The following SIPA1L1 variants were observed in gnomAD, a reference collection of about 807,000 sequenced individuals.
SIPA1L1 encodes signal induced proliferation associated 1 like 1, also known as signal-induced proliferation-associated 1-like protein 1.
In SIPA1L1, 26 loss-of-function variants were observed where a neutral mutation model predicts 162.7. That is an observed-to-expected ratio of 0.16 (90% CI 0.12 to 0.22). The LOEUF (loss-of-function observed/expected upper bound fraction) is 0.22. Among genes scored for constraint, SIPA1L1 ranks in the 10% least tolerant of loss-of-function variants. The pLI, the probability that SIPA1L1 is intolerant of heterozygous loss-of-function variation, is 1.00. For missense variants in SIPA1L1, 1,874 were observed against 2,241.0 expected (o/e 0.84, Z 3.31); for synonymous variants, 829 against 837.4 (o/e 0.99, Z 0.17).
At chr14:71,692,200 T>C (rs1166441517) in intron 13 of SIPA1L1, among the ~76,000 whole-genome samples, 3 of 152,176 alleles carry the variant, frequency 2.0e-5, no homozygotes, top group Non-Finnish European at 2.9e-5. Flanking sequence ...TTTATAAAAA[T>C]TAGATGATAG....
chr14:71,349,518 T>C (rs2036487889), intron 2 of SIPA1L1, among the ~76,000 whole-genome samples: 1 of 152,216 alleles, frequency 6.6e-6, no homozygotes, highest in Admixed American at 6.5e-5. Flanking sequence ...TGTTTTCATT[T>C]GTTTTCCCTA....
rs762389037 is a variant in SIPA1L1, at chr14:71,704,681, A to C, written c.3647-541A>C. The C allele has an allele frequency of 4.0e-6, 6 of 1,509,868 alleles. No individual in the cohort carries two copies. The South Asian group carries it at 6.8e-5, about 17-fold the overall frequency. 93.5% of individuals were successfully genotyped at this position (1,509,868 alleles called of 1,614,324 possible). On this transcript the variant is annotated intron_variant, in intron 15 of 23. Transcript: ENST00000381232. ...GAGTCCAAAAGGAAGCAATTGTTTTAAGTAAACTAGTTGCTGTGTGTCTTT... is the reference window on the plus strand; with the variant it reads ...GAGTCCAAAAGGAAGCAATTGTTTTCAGTAAACTAGTTGCTGTGTGTCTTT...
chr14:71,483,735 T>G (rs2048524124), intron 2 of SIPA1L1, among the ~76,000 whole-genome samples: 1 of 152,318 alleles, frequency 6.6e-6, no homozygotes, highest in Admixed American at 6.5e-5. Context: ...CTGAAAACAT[T>G]TCCAAGGCTC....
In SIPA1L1 at chr14:71,595,029, C is replaced by T. The variant is rs79202440; in HGVS notation, c.1498+5659C>T. Reference sequence around the variant, plus strand: ...AGTCCCAGCGTGGCTCAGCTGCAAGCGTGGCTCAGCTGCACCCTGATCTGG... The same window carrying T: ...AGTCCCAGCGTGGCTCAGCTGCAAGTGTGGCTCAGCTGCACCCTGATCTGG... On this transcript the variant is annotated intron_variant, in intron 5 of 23. Coordinates refer to ENST00000381232, the MANE Select transcript of SIPA1L1 (RefSeq NM_001386936.1). Among the ~76,000 whole-genome samples the T allele has an allele frequency of 8.9e-3, 1,348 of 152,312 alleles. 13 individuals carry two copies. The highest frequency in any genetic ancestry group is 0.013 in the Non-Finnish European group (870 of 68,040).
chr14:71,356,908 T>C (rs1414822721), intron 2 of SIPA1L1, among the ~76,000 whole-genome samples: 1 of 152,120 alleles, frequency 6.6e-6, no homozygotes, highest in East Asian at 1.9e-4. Flanking sequence ...TTCTTGTGAA[T>C]TTGTTTTTCT....
chr14:71,573,153 C>T (rs1327148546), intron 4 of SIPA1L1, among the ~76,000 whole-genome samples: 1 of 152,192 alleles, frequency 6.6e-6, no homozygotes, highest in African/African-American at 2.4e-5. Context: ...GTATCGGTTT[C>T]CCCCACTTTA....
chr14:71,467,845 C>T (rs2047122818), intron 2 of SIPA1L1, among the ~76,000 whole-genome samples: 1 of 133,404 alleles, frequency 7.5e-6, no homozygotes, highest in African/African-American at 2.7e-5. Flanking sequence ...ACTAGACCCC[C>T]ATCTCTTAAA....
chr14:71,482,503 G>A (rs1186278219), intron 2 of SIPA1L1, among the ~76,000 whole-genome samples: 1 of 150,910 alleles, frequency 6.6e-6, no homozygotes, highest in African/African-American at 2.4e-5. Flanking sequence ...AGTCAGTGTG[G>A]TATAAGTAGC....
chr14:71,442,001 G>A (rs996687104), intron 2 of SIPA1L1, among the ~76,000 whole-genome samples: 2 of 151,280 alleles, frequency 1.3e-5, no homozygotes, highest in South Asian at 4.2e-4. Flanking sequence ...GTGAAACCTC[G>A]TCTTCACTAA....
chr14:71,393,660 C>T (rs186708166), intron 2 of SIPA1L1, among the ~76,000 whole-genome samples: 1 of 152,014 alleles, frequency 6.6e-6, no homozygotes, highest in Admixed American at 6.5e-5. Flanking sequence ...CCACACCCCA[C>T]CAAAAAAAAC....
intron 2 of SIPA1L1, among the ~76,000 whole-genome samples, chr14:71,391,251 C>T (rs575735735): frequency 6.6e-6 from 1 of 151,758 alleles, no homozygotes; most frequent in Non-Finnish European, 1.5e-5. Flanking sequence ...GGACTACAGG[C>T]GCCCGCCACA....
intron 4 of SIPA1L1, among the ~76,000 whole-genome samples, chr14:71,532,110 A>G (rs1194444342): frequency 6.6e-6 from 1 of 152,114 alleles, no homozygotes; most frequent in Non-Finnish European, 1.5e-5. Context: ...ATTTATACAT[A>G]TTATATCCAT....
intron 2 of SIPA1L1, among the ~76,000 whole-genome samples, chr14:71,420,218 C>T (rs2043084858): frequency 6.6e-6 from 1 of 152,110 alleles, no homozygotes; most frequent in South Asian, 2.1e-4. Context: ...TCCTCGTAAT[C>T]AAGTTATTTT....
At chr14:71,633,274 C>T (rs1455683245) in intron 7 of SIPA1L1, among the ~76,000 whole-genome samples, 6 of 152,168 alleles carry the variant, frequency 3.9e-5, no homozygotes, top group African/African-American at 1.4e-4. Context: ...GATTCTCTTG[C>T]CTCAGCCTCC....
intron 15 of SIPA1L1, among the ~76,000 whole-genome samples, chr14:71,702,725 A>T (rs1478572102): frequency 6.6e-6 from 1 of 152,228 alleles, no homozygotes; most frequent in African/African-American, 2.4e-5. Flanking sequence ...GAAAGGCGAT[A>T]GGAATTATTT....
chr14:71,483,622 A>G (rs1163104012), intron 2 of SIPA1L1, among the ~76,000 whole-genome samples: 1 of 152,164 alleles, frequency 6.6e-6, no homozygotes, highest in Non-Finnish European at 1.5e-5. Context: ...GCTCACCTAG[A>G]CTACTGATTT....
chr14:71,453,723 G>A (rs2045977196), intron 2 of SIPA1L1, among the ~76,000 whole-genome samples: 1 of 152,194 alleles, frequency 6.6e-6, no homozygotes. Context: ...GCCGGGTGCA[G>A]TGGCTCACGC....
rs878871957 is a variant in SIPA1L1 at position 71,738,309 on chromosome 14, G to A, written c.5192G>A (p.Arg1731Gln). ...CTGGAAGGTATGCTGAAGATGCTTC[G>A]GGAAGATTTGAAGAAGGTAAACATG... ...DQLEGMLKMLREDLKKEKEDK... is the reference protein window; with the variant it reads ...DQLEGMLKMLQEDLKKEKEDK... Residue 1731 changes from arginine (R) to glutamine (Q), a missense_variant, in exon 23 of 24, where the codon CGG (arginine) becomes CAG (glutamine). Arg to Gln is a conservative substitution (Grantham distance 43). This residue lies in a region of SIPA1L1 where 936 missense variants were observed against 1,051.9 expected (regional missense o/e 0.89). Coordinates refer to ENST00000381232, the MANE Select transcript of SIPA1L1 (RefSeq NM_001386936.1). 32 of 1,612,610 alleles carry A rather than the reference G, an allele frequency of 2.0e-5. No homozygotes were observed. Among genetic ancestry groups the A allele is most frequent in the South Asian group, 7.7e-5 (7 of 91,032 alleles).
intron 12 of SIPA1L1, among the ~76,000 whole-genome samples, chr14:71,680,255 A>T (rs995167489): frequency 1.3e-5 from 2 of 152,208 alleles, no homozygotes; most frequent in African/African-American, 4.8e-5. Flanking sequence ...TCAAACTAGA[A>T]CTCAGGATTA....
Sources: gnomAD v4.1 joint callset for allele counts (sites outside exome capture counted in the v4.1 genomes callset) on GRCh38, gnomAD v4.1.1 for gene constraint, gnomAD v4.1.1 regional missense constraint, MANE v1.5 for transcripts, NCBI Gene and HGNC (gene_info 2026-07-23, HGNC 2026-07-21) for gene names.